Variants in STXBP6 observed in about 807,000 individuals in gnomAD.
STXBP6 encodes syntaxin-binding protein 6.
In STXBP6, 21 loss-of-function variants were observed where a neutral mutation model predicts 26.9. That is an observed-to-expected ratio of 0.78 (90% CI 0.55 to 1.12). The LOEUF is 1.12. Among genes scored for constraint, STXBP6 ranks in the 50% most tolerant of loss-of-function variants. The pLI, the probability that STXBP6 is intolerant of heterozygous loss-of-function variation, is 0.00. For synonymous variants in STXBP6, 97 were observed against 92.6 expected (o/e 1.05, Z -0.27); for missense variants, 232 against 257.9 (o/e 0.90, Z 0.69).
At chr14:24,894,112 T>C (rs1844241756) in intron 2 of STXBP6, among the ~76,000 whole-genome samples, 1 of 152,224 alleles carries the variant, frequency 6.6e-6, no homozygotes, top group Non-Finnish European at 1.5e-5. Flanking sequence ...GCAAGACTAT[T>C]AAAATTCAGC....
intron 2 of STXBP6, 42 bp downstream of exon 2, chr14:24,974,623 A>C: frequency 1.3e-6 from 2 of 1,505,072 alleles, no homozygotes; most frequent in South Asian, 2.5e-5. Context: ...CTGTTTTAAA[A>C]TGGAAGTTAT....
intron 4 of STXBP6, among the ~76,000 whole-genome samples, chr14:24,851,715 C>A (rs2069163915): frequency 6.6e-6 from 1 of 152,040 alleles, no homozygotes; most frequent in Non-Finnish European, 1.5e-5. Flanking sequence ...AAATCCAAAC[C>A]ATATGAACTA....
chr14:24,899,001 C>T (rs920099511), intron 2 of STXBP6, among the ~76,000 whole-genome samples: 1 of 149,656 alleles, frequency 6.7e-6, no homozygotes, highest in African/African-American at 2.5e-5. Context: ...AGCCCTTCTC[C>T]GTTCCCCAGA....
intron 2 of STXBP6, among the ~76,000 whole-genome samples, chr14:24,962,713 G>A (rs1256004963): frequency 2.0e-5 from 3 of 151,984 alleles, no homozygotes; most frequent in Non-Finnish European, 4.4e-5. Context: ...TTTAGCTCAC[G>A]GCAGAGCACT....
intron 1 of STXBP6, among the ~76,000 whole-genome samples, chr14:25,016,133 T>G (rs1333694937): frequency 6.6e-6 from 1 of 152,178 alleles, no homozygotes; most frequent in Non-Finnish European, 1.5e-5. Context: ...CCATGCACGC[T>G]CAATAAATGC....
At chr14:24,954,486 A>G (rs903949000) in intron 2 of STXBP6, among the ~76,000 whole-genome samples, 2 of 152,204 alleles carry the variant, frequency 1.3e-5, no homozygotes, top group Admixed American at 6.5e-5. Flanking sequence ...CCACCTATAC[A>G]GCGGAATCTT....
chr14:24,877,905 T>C (rs1193649039), intron 2 of STXBP6, among the ~76,000 whole-genome samples: 1 of 152,150 alleles, frequency 6.6e-6, no homozygotes, highest in African/African-American at 2.4e-5. Context: ...CTCATATACA[T>C]GCCAAAACAG....
chr14:24,929,891 C>G (rs2072318615), intron 2 of STXBP6, among the ~76,000 whole-genome samples: 1 of 152,186 alleles, frequency 6.6e-6, no homozygotes, highest in Non-Finnish European at 1.5e-5. Context: ...GTAGCAGTAC[C>G]ATACCATACT....
chr14:25,000,846 T>C (rs549629847), intron 1 of STXBP6, among the ~76,000 whole-genome samples: 9 of 151,362 alleles, frequency 5.9e-5, no homozygotes, highest in Non-Finnish European at 1.0e-4. Context: ...CTACTCAACC[T>C]GTTAGCATTA....
At chr14:24,929,603 T>G (rs2072307707) in intron 2 of STXBP6, among the ~76,000 whole-genome samples, 1 of 152,214 alleles carries the variant, frequency 6.6e-6, no homozygotes, top group Non-Finnish European at 1.5e-5. Flanking sequence ...GGTTTCCTAT[T>G]TAGACTTCCA....
Position 24,855,947 on chromosome 14 carries a change from T to G in STXBP6, c.440A>C (p.Lys147Thr). ...RKPEFINCQS[K>T]IMGGNSILHS... ...AAATGTCCACTCACCTCCCATAATT[T>G]TGGATTGGCAGTTAATAAACTCTGG... The change falls in exon 4 of 6, where the codon AAA becomes ACA. Residue 147 changes from lysine to threonine, a missense_variant. Lys to Thr is a moderately conservative substitution (Grantham distance 78). Coordinates refer to ENST00000323944, the MANE Select transcript of STXBP6 (RefSeq NM_001394410.1). 2 of 1,602,662 alleles carry G rather than the reference T, an allele frequency of 1.2e-6. No individual in the cohort carries two copies. The highest frequency in any genetic ancestry group is 1.7e-6 in the Non-Finnish European group (2 of 1,175,996).
At chr14:24,843,653 C>T (rs2068851877) in intron 4 of STXBP6, among the ~76,000 whole-genome samples, 1 of 152,142 alleles carries the variant, frequency 6.6e-6, no homozygotes, top group Non-Finnish European at 1.5e-5. Flanking sequence ...CATCCACAGA[C>T]CAATAACAGA....
chr14:24,971,183 T>C (rs756686768), intron 2 of STXBP6, among the ~76,000 whole-genome samples: 10 of 152,182 alleles, frequency 6.6e-5, no homozygotes, highest in Non-Finnish European at 1.3e-4. Flanking sequence ...GTAAGTCTTA[T>C]GATCACAGAC....
At position 25,015,335 on chromosome 14, in the gene STXBP6, C is replaced by G. The variant is rs180705931; in HGVS notation, c.-33+34543G>C. ...AGATATCTGGGACCTAATGAAGGGG[C>G]CTCTTGTGCACTCCTCTATACCCCC... is the stretch of plus-strand genomic sequence containing the variant. On this transcript the variant is annotated intron_variant, in intron 1 of 5. Coordinates refer to ENST00000323944, the MANE Select transcript of STXBP6 (RefSeq NM_001394410.1). Among the ~76,000 whole-genome samples, 6 of 152,160 alleles carry G rather than the reference C, an allele frequency of 3.9e-5. No homozygotes were observed. The East Asian group carries it at 9.7e-4, about 24-fold the overall frequency.
chr14:25,038,613 T>C (rs146073381), intron 1 of STXBP6, among the ~76,000 whole-genome samples: 1 of 152,076 alleles, frequency 6.6e-6, no homozygotes, highest in Non-Finnish European at 1.5e-5. Flanking sequence ...AAGCAGAGAT[T>C]AGAGTGGTTG....
chr14:24,870,664 A>C (rs2069895849), intron 2 of STXBP6, among the ~76,000 whole-genome samples: 1 of 152,142 alleles, frequency 6.6e-6, no homozygotes, highest in African/African-American at 2.4e-5. Flanking sequence ...AGCCATTTGC[A>C]TTTGCTTATA....
intron 4 of STXBP6, among the ~76,000 whole-genome samples, chr14:24,841,754 T>C (rs1323324259): frequency 6.6e-6 from 1 of 152,216 alleles, no homozygotes; most frequent in African/African-American, 2.4e-5. Context: ...TTTTTTTCTA[T>C]CACTTTGTCT....
chr14:25,038,369 C>A (rs2075588937), intron 1 of STXBP6, among the ~76,000 whole-genome samples: 1 of 152,094 alleles, frequency 6.6e-6, no homozygotes. Flanking sequence ...AGACACACAC[C>A]CACCATCAGA....
chr14:24,908,884 A>G (rs552863678), intron 2 of STXBP6, among the ~76,000 whole-genome samples: 19 of 152,216 alleles, frequency 1.2e-4, no homozygotes, highest in Non-Finnish European at 2.6e-4. Flanking sequence ...ACCCACCAGC[A>G]GCTAAACTCT....
Sources: allele counts gnomAD v4.1 joint callset (sites outside exome capture counted in the v4.1 genomes callset), GRCh38; gene constraint gnomAD v4.1.1; transcripts MANE v1.5; gene names NCBI Gene and HGNC (gene_info 2026-07-23, HGNC 2026-07-21).